Variants in RGS6 observed in about 807,000 individuals in gnomAD.
RGS6 encodes regulator of G-protein signaling 6.
Under a neutral mutation model 78.5 loss-of-function variants are expected in RGS6, and 30 were observed. The observed-to-expected ratio is 0.38, with a 90% CI of 0.29 to 0.52. The LOEUF is 0.52. Ranked by LOEUF, RGS6 falls within the 20% of genes least tolerant of loss-of-function variation. RGS6 has a pLI of 0.85. For missense variants in RGS6, 495 were observed against 609.7 expected, an observed-to-expected ratio of 0.81 and a Z score of 1.98; for synonymous variants, 206 against 206.0, an observed-to-expected ratio of 1.00 and a Z score of 0.00.
chr14:72,511,129 T>C (rs1452573597), intron 14 of RGS6, among the ~76,000 whole-genome samples: 1 of 148,930 alleles, frequency 6.7e-6, no homozygotes, highest in Non-Finnish European at 1.5e-5. Context: ...TCTAGTGATC[T>C]TAGCAAACTG....
intron 3 of RGS6, among the ~76,000 whole-genome samples, chr14:72,364,057 G>A (rs1213472593): frequency 1.3e-5 from 2 of 149,026 alleles, no homozygotes; most frequent in African/African-American, 5.0e-5. Context: ...GTTCTCAATG[G>A]GCTCAGAAAC....
intron 3 of RGS6, among the ~76,000 whole-genome samples, chr14:72,443,670 C>A (rs1011313604): frequency 3.3e-5 from 5 of 152,214 alleles, no homozygotes; most frequent in African/African-American, 2.4e-5. Flanking sequence ...TTAGACACCA[C>A]TGGAAGGTAA....
At chr14:72,617,749 G>T in the RGS6 span, among the ~76,000 whole-genome samples, 4 of 152,152 alleles carry the variant, frequency 2.6e-5, no homozygotes, top group African/African-American at 9.7e-5. Flanking sequence ...CTGCGGCCGG[G>T]CAGAGGTGGC....
intron 2 of RGS6, among the ~76,000 whole-genome samples, chr14:72,146,995 C>G (rs2096615026): frequency 6.6e-6 from 1 of 152,220 alleles, no homozygotes; most frequent in South Asian, 2.1e-4. Flanking sequence ...ATGGCCTTTA[C>G]TCCAGTTTCC....
chr14:72,339,968 G>A (rs575157677), intron 2 of RGS6, among the ~76,000 whole-genome samples: 1 of 152,156 alleles, frequency 6.6e-6, no homozygotes, highest in East Asian at 1.9e-4. Context: ...GCCCTCCTGG[G>A]GACTGTTCTT....
At chr14:72,374,732 C>T (rs1459222509) in intron 3 of RGS6, among the ~76,000 whole-genome samples, 1 of 152,154 alleles carries the variant, frequency 6.6e-6, no homozygotes, top group Non-Finnish European at 1.5e-5. Context: ...AGATTGCAGA[C>T]ATTGTAATTA....
At chr14:72,000,373 A>G (rs977773269) in intron 2 of RGS6, among the ~76,000 whole-genome samples, 3 of 152,114 alleles carry the variant, frequency 2.0e-5, no homozygotes. Context: ...AATTTGAGGA[A>G]TGGGAGCTTG....
intron 2 of RGS6, among the ~76,000 whole-genome samples, chr14:71,974,599 G>A (rs2094005323): frequency 6.6e-6 from 1 of 152,056 alleles, no homozygotes; most frequent in African/African-American, 2.4e-5. Flanking sequence ...AAGTGAGATG[G>A]CTACTGACAT....
At chr14:72,239,437 G>T (rs2052142352) in intron 2 of RGS6, among the ~76,000 whole-genome samples, 1 of 152,182 alleles carries the variant, frequency 6.6e-6, no homozygotes. Flanking sequence ...TCAGGAGATT[G>T]TCTCTCCCTG....
intron 2 of RGS6, among the ~76,000 whole-genome samples, chr14:72,006,611 C>T (rs1366703380): frequency 2.6e-5 from 4 of 152,230 alleles, no homozygotes; most frequent in African/African-American, 4.8e-5. Context: ...TCAGGTATTA[C>T]AGGCCTGGCC....
chr14:72,347,753 T>A (rs1419455125), intron 2 of RGS6, among the ~76,000 whole-genome samples: 2 of 152,198 alleles, frequency 1.3e-5, no homozygotes, highest in East Asian at 1.9e-4. Flanking sequence ...GATGAGACGC[T>A]GTGTATATAT....
chr14:72,108,910 A>G (rs2095690921), intron 2 of RGS6, among the ~76,000 whole-genome samples: 1 of 151,890 alleles, frequency 6.6e-6, no homozygotes, highest in Non-Finnish European at 1.5e-5. Context: ...ATGTTGTTTT[A>G]TTCGTTTTCC....
the RGS6 span, among the ~76,000 whole-genome samples, chr14:72,603,824 A>G: frequency 9.9e-5 from 15 of 152,226 alleles, no homozygotes; most frequent in African/African-American, 2.4e-5. Flanking sequence ...AGAGATCTCC[A>G]TTCAACCACA....
rs35675211 is a variant in RGS6, at chr14:72,242,839, CTTTTTTTTTTT to C, written c.85-109239_85-109229del. Among the ~76,000 whole-genome samples, 25 of 69,130 alleles carry C rather than the reference CTTTTTTTTTTT, an allele frequency of 3.6e-4. 2 individuals carry two copies. The highest frequency in any genetic ancestry group is 1.3e-4 in the Non-Finnish European group (5 of 39,828). The allele number at this position is 69,130 out of a possible 152,430, so 45.4% of individuals were successfully genotyped here. A position where few individuals can be genotyped will look rare whatever the true frequency, so the allele number is the denominator to read the frequency against. ...GTATTTTTCCAACTTCATTTCTTTT[CTTTTTTTTTTT>C]TTTTTTTTTTTTTTTTGAGATGGAG... On this transcript the variant is annotated intron_variant, in intron 2 of 17. Coordinates refer to ENST00000553525, the MANE Select transcript of RGS6 (RefSeq NM_001204424.2).
At chr14:72,546,311 GTC>G (rs1455635630) in intron 17 of RGS6, among the ~76,000 whole-genome samples, 1 of 152,302 alleles carries the variant, frequency 6.6e-6, no homozygotes, top group African/African-American at 2.4e-5. Flanking sequence ...AAATATAAAA[GTC>G]TATTTTTTAT....
chr14:72,195,395 T>C (rs1473427040), intron 2 of RGS6, among the ~76,000 whole-genome samples: 2 of 152,210 alleles, frequency 1.3e-5, no homozygotes, highest in South Asian at 2.1e-4. Context: ...GCTATGTATA[T>C]ACATTTCAAA....
At chr14:71,872,953 C>T in the RGS6 span, among the ~76,000 whole-genome samples, 192 of 152,276 alleles carry the variant, frequency 1.3e-3, 1 homozygote, top group Non-Finnish European at 1.9e-3. Flanking sequence ...CATCCATGAC[C>T]CTACAAAGGA....
chr14:72,331,925 A>T (rs922312090), intron 2 of RGS6, among the ~76,000 whole-genome samples: 4 of 152,200 alleles, frequency 2.6e-5, no homozygotes, highest in Non-Finnish European at 5.9e-5. Context: ...AATTATTCCA[A>T]TTATCTAATC....
At chr14:72,122,635 A>G (rs1198744814) in intron 2 of RGS6, among the ~76,000 whole-genome samples, 1 of 152,018 alleles carries the variant, frequency 6.6e-6, no homozygotes. Context: ...CAGGGCTTAG[A>G]TTCTTAAATA....
Sources: gnomAD v4.1 joint callset for allele counts (sites outside exome capture counted in the v4.1 genomes callset) on GRCh38, gnomAD v4.1.1 for gene constraint, MANE v1.5 for transcripts, NCBI Gene and HGNC (gene_info 2026-07-23, HGNC 2026-07-21) for gene names.